SFXN1: variants seen among roughly 807,000 people sequenced by gnomAD.
SFXN1 encodes sideroflexin 1, also known as sideroflexin-1.
SFXN1 carries 32 observed loss-of-function variants against 39.5 expected under a neutral mutation model. The observed-to-expected ratio is 0.81, with a 90% CI of 0.61 to 1.09. The LOEUF (loss-of-function observed/expected upper bound fraction) is 1.09. Among genes scored for constraint, SFXN1 ranks in the 50% least tolerant of loss-of-function variants. SFXN1 has a pLI of 0.00. For missense variants in SFXN1, 402 were observed against 407.1 expected (o/e 0.99, Z 0.11); for synonymous variants, 136 against 146.5 (o/e 0.93, Z 0.52).
chr5:175,500,249 C>G (rs1428075745), intron 2 of SFXN1, among the ~76,000 whole-genome samples: 1 of 151,288 alleles, frequency 6.6e-6, no homozygotes, highest in Non-Finnish European at 1.5e-5. Context: ...TTACAAGATA[C>G]AAGATCAATA....
rs150259495 is a variant in SFXN1 at position 175,511,513 on chromosome 5, A to G, written c.497A>G (p.Asn166Ser). Residue 166 changes from asparagine (N) to serine (S), a missense_variant, in exon 5 of 11, where the codon AAT (asparagine) becomes AGT (serine). Coordinates refer to ENST00000321442, the MANE Select transcript of SFXN1 (RefSeq NM_022754.7). ...GCCGTAGCAACAGCTCTAGGACTCA[A>G]TGCATTGACCAAGGTACTCAGATTT... is the stretch of plus-strand genomic sequence containing the variant. ...TGAVATALGLNALTKHVSPLI... is the reference protein window; with the variant it reads ...TGAVATALGLSALTKHVSPLI... 6.0e-5 allele frequency: 97 copies of G among 1,613,710 alleles called. No homozygotes were observed. The highest frequency in any genetic ancestry group is 7.5e-5 in the Non-Finnish European group (89 of 1,179,820).
intron 10 of SFXN1, among the ~76,000 whole-genome samples, chr5:175,526,291 A>G (rs1253140996): frequency 6.6e-6 from 1 of 152,196 alleles, no homozygotes; most frequent in Admixed American, 6.5e-5. Context: ...CAAATGATTG[A>G]TACGTTTTTC....
chr5:175,517,079 G>C (rs1251433053), intron 8 of SFXN1, among the ~76,000 whole-genome samples: 1 of 152,176 alleles, frequency 6.6e-6, no homozygotes, highest in Non-Finnish European at 1.5e-5. Context: ...GACAAACACT[G>C]AACAGAAGAC....
chr5:175,493,089 T>C (rs989338293), intron 2 of SFXN1, among the ~76,000 whole-genome samples: 2 of 151,944 alleles, frequency 1.3e-5, no homozygotes, highest in African/African-American at 4.8e-5. Flanking sequence ...CCGTCTCTAC[T>C]AAAAATACAA....
intron 2 of SFXN1, among the ~76,000 whole-genome samples, chr5:175,499,052 C>T (rs1045232531): frequency 6.6e-6 from 1 of 152,032 alleles, no homozygotes; most frequent in Non-Finnish European, 1.5e-5. Context: ...GCCAGGAGTT[C>T]GAGACCATCC....
chr5:175,480,514 G>T (rs1015389942), intron 1 of SFXN1, among the ~76,000 whole-genome samples: 3 of 152,218 alleles, frequency 2.0e-5, no homozygotes, highest in Non-Finnish European at 4.4e-5. Context: ...TTCAGAAAAG[G>T]GATGATATCT....
chr5:175,494,084 A>G (rs1342156110), intron 2 of SFXN1, among the ~76,000 whole-genome samples: 2 of 152,226 alleles, frequency 1.3e-5, no homozygotes, highest in East Asian at 3.8e-4. Flanking sequence ...TAAAAGAGAA[A>G]CTAGAAAAAT....
intron 3 of SFXN1, chr5:175,509,523 T>C (rs1760438120): frequency 5.8e-6 from 1 of 173,442 alleles, no homozygotes; most frequent in South Asian, 1.9e-4. Context: ...GACTCTTTTT[T>C]TTTTTAACCC....
intron 1 of SFXN1, among the ~76,000 whole-genome samples, chr5:175,486,650 C>T (rs983936821): frequency 3.9e-5 from 6 of 152,028 alleles, no homozygotes; most frequent in African/African-American, 9.7e-5. Flanking sequence ...TGGTGGCAGA[C>T]GCCTGTAGTC....
At chr5:175,516,540 A>T in intron 7 of SFXN1, 74 bp from the exon 8 acceptor site, 1 of 1,361,940 alleles carries the variant, frequency 7.3e-7, no homozygotes, top group African/African-American at 1.5e-5. Flanking sequence ...GCTTTCTGTC[A>T]AATGGTTGAA....
intron 2 of SFXN1, among the ~76,000 whole-genome samples, chr5:175,505,360 C>G (rs967167744): frequency 1.3e-5 from 2 of 151,450 alleles, no homozygotes; most frequent in Admixed American, 1.3e-4. Flanking sequence ...CATGGTGAAA[C>G]CCCATCTCTA....
chr5:175,502,254 A>AC (rs1760111443), intron 2 of SFXN1, among the ~76,000 whole-genome samples: 1 of 151,758 alleles, frequency 6.6e-6, no homozygotes, highest in South Asian at 2.1e-4. Context: ...AGACTGCATG[A>AC]CCCCTAAACT....
chr5:175,482,252 A>G (rs1561649285), intron 1 of SFXN1, among the ~76,000 whole-genome samples: 1 of 152,176 alleles, frequency 6.6e-6, no homozygotes, highest in Non-Finnish European at 1.5e-5. Context: ...ACCCTTTCAT[A>G]ACTCTTTCAA....
At position 175,504,789 on chromosome 5, in the gene SFXN1, C is replaced by T. The variant is rs951272342; in HGVS notation, c.165-4243C>T. Among the ~76,000 whole-genome samples, 12 of 152,054 alleles carry T rather than the reference C, an allele frequency of 7.9e-5. No individual in the cohort carries two copies. The East Asian group carries it at 9.8e-4, about 12-fold the overall frequency. ...TGTCGCCCAGGCTGGAGTGCAGTGG[C>T]GCGATCTTGGTTCACTGCAAGCTCT... On this transcript the variant is annotated intron_variant, in intron 2 of 10. Coordinates refer to ENST00000321442, the MANE Select transcript of SFXN1 (RefSeq NM_022754.7).
intron 6 of SFXN1, among the ~76,000 whole-genome samples, 158 bp from the exon 7 acceptor site, chr5:175,513,296 TAAAAAAAAA>T (rs55761424): frequency 4.6e-5 from 3 of 65,282 alleles, no homozygotes; most frequent in Non-Finnish European, 8.6e-5. Context: ...AGTGAGACTG[TAAAAAAAAA>T]AAAAAAAAAA....
intron 10 of SFXN1, 105 bp downstream of exon 10, chr5:175,522,527 C>T: frequency 8.6e-7 from 1 of 1,157,746 alleles, no homozygotes; most frequent in Non-Finnish European, 1.2e-6. Flanking sequence ...AGTTGAGACT[C>T]AAAAGATACT....
rs115580841 is a variant in SFXN1 at position 175,484,908 on chromosome 5, T to C, written c.-10+6269T>C. Among the ~76,000 whole-genome samples the C allele has an allele frequency of 1.3e-3, 191 of 152,328 alleles. 1 individual carries two copies. Among genetic ancestry groups the C allele is most frequent in the African/African-American group, 4.5e-3 (187 of 41,572 alleles). On this transcript the variant is annotated intron_variant, in intron 1 of 10. Transcript: ENST00000321442. ...GAAATAAGTTTTGATGTTTGTTTGT[T>C]TTTTAAGTGGGGCTCCTGTTTTTTA...
chr5:175,498,836 A>G (rs1759964199), intron 2 of SFXN1, among the ~76,000 whole-genome samples: 1 of 152,192 alleles, frequency 6.6e-6, no homozygotes, highest in South Asian at 2.1e-4. Flanking sequence ...GGGAAAAGGA[A>G]TGAGGAGGAG....
chr5:175,505,493 C>T (rs1328920930), intron 2 of SFXN1, among the ~76,000 whole-genome samples: 12 of 150,686 alleles, frequency 8.0e-5, no homozygotes, highest in East Asian at 1.9e-4. Flanking sequence ...GCCAAGATCA[C>T]GCCATTGCAT....
Sources: allele counts gnomAD v4.1 joint callset (sites outside exome capture counted in the v4.1 genomes callset), GRCh38; gene constraint gnomAD v4.1.1; transcripts MANE v1.5; gene names NCBI Gene and HGNC (gene_info 2026-07-23, HGNC 2026-07-21).